Variants in IL22RA2 observed in about 807,000 individuals in gnomAD.
IL22RA2 encodes interleukin-22 receptor subunit alpha-2.
IL22RA2 carries 39 observed loss-of-function variants against 30.7 expected under a neutral mutation model. The ratio of observed to expected loss-of-function variants is 1.27; its 90% confidence interval spans 0.98 to 1.66. The LOEUF (loss-of-function observed/expected upper bound fraction) is 1.66. IL22RA2 is among the 40% of genes most tolerant of loss of function. The pLI is 0.00. For synonymous variants in IL22RA2, 103 were observed against 105.0 expected (o/e 0.98, Z 0.11); for missense variants, 315 against 312.7 (o/e 1.01, Z -0.05).
intron 6 of IL22RA2, among the ~76,000 whole-genome samples, chr6:137,147,008 G>A (rs1015138959): frequency 2.7e-5 from 4 of 146,760 alleles, no homozygotes; most frequent in Non-Finnish European, 4.5e-5. Context: ...AAAAAAAATC[G>A]CAGCAAAACT....
intron 5 of IL22RA2, among the ~76,000 whole-genome samples, chr6:137,150,225 C>A (rs1778260935): frequency 6.6e-6 from 1 of 152,082 alleles, no homozygotes; most frequent in South Asian, 2.1e-4. Flanking sequence ...ATCACAGATG[C>A]CACAAACATG....
At chr6:137,162,233 CT>C (rs911965572) in intron 1 of IL22RA2, among the ~76,000 whole-genome samples, 4 of 152,224 alleles carry the variant, frequency 2.6e-5, no homozygotes, top group Non-Finnish European at 5.9e-5. Flanking sequence ...ATCGGGGCCC[CT>C]GGCAGTGGTT....
intron 4 of IL22RA2, among the ~76,000 whole-genome samples, chr6:137,156,048 G>A (rs1385049956): frequency 4.6e-5 from 7 of 152,222 alleles, no homozygotes; most frequent in Non-Finnish European, 2.9e-5. Flanking sequence ...GAAAATTGAC[G>A]GGAACTTTTA....
chr6:137,156,250 G>A (rs919165809), intron 4 of IL22RA2, among the ~76,000 whole-genome samples: 3 of 152,148 alleles, frequency 2.0e-5, no homozygotes, highest in African/African-American at 7.2e-5. Context: ...ACAAAGTGAT[G>A]GTGGGGAAAA....
rs1778415257 is a variant in IL22RA2 at position 137,156,769 on chromosome 6, T to C, written c.283A>G (p.Thr95Ala). 1 of 1,613,744 alleles carries C rather than the reference T, an allele frequency of 6.2e-7. No homozygotes were observed. The highest frequency in any genetic ancestry group is 1.7e-5 in the Admixed American group (1 of 59,994). Residue 95 changes from threonine to alanine, a missense_variant, in exon 4 of 7, where the codon ACA (threonine) becomes GCA (alanine). Thr to Ala is a moderately conservative substitution (Grantham distance 58, BLOSUM62 0). Coordinates refer to ENST00000296980, the MANE Select transcript of IL22RA2 (RefSeq NM_052962.3). ...HISCNFPGCR[T>A]LAKYGQRQWK... is the part of the protein sequence containing the mutation. The stretch of plus-strand genomic sequence containing the variant: ...GGAAAAGAGGTGTACTTAGCCAATG[T>C]TCTGCAGCCTGGGAAGTTACAAGAA...
chr6:137,172,287 G>A (rs926371798), intron 1 of IL22RA2, among the ~76,000 whole-genome samples: 1 of 152,188 alleles, frequency 6.6e-6, no homozygotes, highest in Non-Finnish European at 1.5e-5. Flanking sequence ...CAAATGAGGG[G>A]AAATTAGGCG....
In IL22RA2 at chr6:137,144,082, A is replaced by G. The variant is rs1778125564; in HGVS notation, c.*1542T>C. The G allele has an allele frequency of 6.6e-6, 1 of 152,310 alleles. No individual in the cohort carries two copies. The highest frequency in any genetic ancestry group is 1.9e-4 in the East Asian group (1 of 5,196). 9.4% of individuals were successfully genotyped at this position (152,310 alleles called of 1,614,324 possible). ...TAAAATGCTATTTGAAATTTTACTT[A>G]CTCGCCACCCACCCCACTACTCTTA... On this transcript the variant is annotated 3_prime_UTR_variant, in exon 7 of 7. Coordinates refer to ENST00000296980, the MANE Select transcript of IL22RA2 (RefSeq NM_052962.3).
intron 1 of IL22RA2, among the ~76,000 whole-genome samples, 192 bp from the exon 2 acceptor site, chr6:137,162,006 TG>T (rs1436599634): frequency 6.6e-6 from 1 of 152,222 alleles, no homozygotes; most frequent in Non-Finnish European, 1.5e-5. Flanking sequence ...GCTCGTTTTT[TG>T]TTGGGGCTTC....
chr6:137,170,694 C>CG (rs909809042), intron 1 of IL22RA2, among the ~76,000 whole-genome samples: 3 of 152,090 alleles, frequency 2.0e-5, no homozygotes, highest in African/African-American at 7.2e-5. Flanking sequence ...CCTGAACTTT[C>CG]GGTCTCTTCA....
At chr6:137,151,868 G>A (rs1157312459) in intron 5 of IL22RA2, among the ~76,000 whole-genome samples, 6 of 152,098 alleles carry the variant, frequency 3.9e-5, no homozygotes. Context: ...ATACCTATTA[G>A]GATGGCTATA....
chr6:137,161,688 C>T lies in IL22RA2; in HGVS notation c.61+1G>A, dbSNP rs747199195. On this transcript the variant is annotated splice_donor_variant, in intron 2 of 6. Coordinates refer to ENST00000296980, the MANE Select transcript of IL22RA2 (RefSeq NM_052962.3). LOFTEE classifies it high-confidence loss of function. ...CAATTAAAAAGAAACAAAGCACTTA[C>T]CTGCTACACCAGTAAGGAAGAAACT... is the stretch of plus-strand genomic sequence containing the variant. The T allele has an allele frequency of 1.2e-5, 19 of 1,612,088 alleles. No individual in the cohort carries two copies. In the East Asian group the frequency reaches 3.6e-4, roughly 30 times the overall value.
At position 137,145,441 on chromosome 6, in the gene IL22RA2, T is replaced by C. The variant is rs1387433145; in HGVS notation, c.*183A>G. On this transcript the variant is annotated 3_prime_UTR_variant, in exon 7 of 7. Transcript: ENST00000296980. ...TTTCGGGGGGAATGTCGTTCAAATA[T>C]AGTTTACAAATGAAATATAAAGGAT... 6 of 510,486 alleles carry C rather than the reference T, an allele frequency of 1.2e-5. No individual in the cohort carries two copies. The highest frequency in any genetic ancestry group is 8.0e-5 in the African/African-American group (4 of 50,064). The allele number at this position is 510,486 out of a possible 1,614,324, so 31.6% of individuals were successfully genotyped here.
At chr6:137,157,908 C>T (rs1011540628) in intron 3 of IL22RA2, among the ~76,000 whole-genome samples, 1 of 152,146 alleles carries the variant, frequency 6.6e-6, no homozygotes, top group African/African-American at 2.4e-5. Context: ...ATAGTAAATC[C>T]ACTCTGAAAG....
chr6:137,162,492 A>C (rs1778539824), intron 1 of IL22RA2, among the ~76,000 whole-genome samples: 1 of 152,170 alleles, frequency 6.6e-6, no homozygotes, highest in Non-Finnish European at 1.5e-5. Context: ...GTCAAACCAC[A>C]TGATTCCTTA....
At chr6:137,155,283 G>A (rs1778380508) in intron 4 of IL22RA2, among the ~76,000 whole-genome samples, 164 bp from the exon 5 acceptor site, 1 of 151,922 alleles carries the variant, frequency 6.6e-6, no homozygotes, top group Non-Finnish European at 1.5e-5. Flanking sequence ...CTTATTAACT[G>A]TTTCAGTCCA....
intron 5 of IL22RA2, among the ~76,000 whole-genome samples, chr6:137,150,722 T>C (rs1778273236): frequency 6.6e-6 from 1 of 152,198 alleles, no homozygotes; most frequent in African/African-American, 2.4e-5. Context: ...GATCTGTGAA[T>C]TCCCTTCACT....
At position 137,158,498 on chromosome 6, in the gene IL22RA2, A is replaced by G. The variant is rs193043200; in HGVS notation, c.62-16T>C. 1.4e-5 allele frequency: 22 copies of G among 1,613,604 alleles called. No individual in the cohort carries two copies. Among genetic ancestry groups the G allele is most frequent in the Middle Eastern group, 3.3e-4 (2 of 6,056 alleles). On this transcript the variant is annotated splice_polypyrimidine_tract_variant and intron_variant, in intron 2 of 6. Coordinates refer to ENST00000296980, the MANE Select transcript of IL22RA2 (RefSeq NM_052962.3). ...GACTGAGTTCCTAAGATAATAAGAG[A>G]AGGAAGAACATTGAACGTTGCTTGG...
chr6:137,172,327 C>T (rs749205729), intron 1 of IL22RA2, among the ~76,000 whole-genome samples: 6 of 152,130 alleles, frequency 3.9e-5, no homozygotes, highest in African/African-American at 1.4e-4. Flanking sequence ...TATTTAAGAA[C>T]TGAATTCTCC....
Position 137,160,849 on chromosome 6 carries a change from A to G in IL22RA2, c.61+840T>C, listed in dbSNP as rs116865532. On this transcript the variant is annotated intron_variant, in intron 2 of 6. Coordinates refer to ENST00000296980, the MANE Select transcript of IL22RA2 (RefSeq NM_052962.3). Reference sequence around the variant, plus strand: ...ATTTGAATTCCTGCCGTATTTTGCTAAATGTGCCCTTGCTGTTACCAAGTA... The same window carrying G: ...ATTTGAATTCCTGCCGTATTTTGCTGAATGTGCCCTTGCTGTTACCAAGTA... Among the ~76,000 whole-genome samples the G allele has an allele frequency of 4.4e-4, 67 of 152,344 alleles. 1 individual carries two copies. The East Asian group carries it at 0.01, about 23-fold the overall frequency.
Sources: gnomAD v4.1 joint callset for allele counts (sites outside exome capture counted in the v4.1 genomes callset) on GRCh38, gnomAD v4.1.1 for gene constraint, MANE v1.5 for transcripts, NCBI Gene and HGNC (gene_info 2026-07-23, HGNC 2026-07-21) for gene names.